Variants in DRAM1 observed in about 807,000 individuals in gnomAD.
DRAM1 encodes the protein DNA damage-regulated autophagy modulator protein 1.
Under a neutral mutation model 28.5 loss-of-function variants are expected in DRAM1, and 25 were observed. The observed-to-expected ratio is 0.88, with a 90% confidence interval of 0.64 to 1.23. DRAM1 has a LOEUF of 1.23. Ranked by LOEUF, DRAM1 falls within the 50% of genes most tolerant of loss-of-function variation. The pLI, the probability that DRAM1 is intolerant of heterozygous loss-of-function variation, is 0.00. For missense variants in DRAM1, 249 were observed against 299.2 expected, an observed-to-expected ratio of 0.83 and a Z score of 1.24; for synonymous variants, 113 against 114.2, an observed-to-expected ratio of 0.99 and a Z score of 0.07.
intron 4 of DRAM1, among the ~76,000 whole-genome samples, chr12:101,908,795 A>T (rs1261759828): frequency 6.6e-6 from 1 of 150,960 alleles, no homozygotes; most frequent in African/African-American, 2.4e-5. Context: ...GCACAGATGG[A>T]CCTAGGAGAA....
At chr12:101,904,534 C>T (rs562877394) in intron 3 of DRAM1, among the ~76,000 whole-genome samples, 202 of 148,850 alleles carry the variant, frequency 1.4e-3, no homozygotes, top group African/African-American at 4.7e-3. Context: ...CTCTGCCTCC[C>T]GAGTTCACGC....
At chr12:101,908,893 C>CAAAAAAAA (rs56843086) in intron 4 of DRAM1, among the ~76,000 whole-genome samples, 7 of 70,890 alleles carry the variant, frequency 9.9e-5, no homozygotes, top group Admixed American at 3.5e-4. Flanking sequence ...TCCCCACAAC[C>CAAAAAAAA]AAAAAAAAAA....
At chr12:101,891,674 A>G (rs1160061335) in intron 1 of DRAM1, among the ~76,000 whole-genome samples, 1 of 152,240 alleles carries the variant, frequency 6.6e-6, no homozygotes, top group Non-Finnish European at 1.5e-5. Context: ...TAACAGCCTC[A>G]ACAGCTTCTG....
At chr12:101,914,586 G>A (rs994849126) in intron 5 of DRAM1, among the ~76,000 whole-genome samples, 6 of 151,178 alleles carry the variant, frequency 4.0e-5, no homozygotes, top group African/African-American at 1.5e-4. Context: ...AGGCTCAAGC[G>A]ATTCTCCTGC....
At chr12:101,903,912 AACACACACACACATACAC>A (rs1469828465) in intron 3 of DRAM1, among the ~76,000 whole-genome samples, 1 of 121,526 alleles carries the variant, frequency 8.2e-6, no homozygotes, top group Non-Finnish European at 1.6e-5. Flanking sequence ...TGCCTCTGGA[AACACACACACACATACAC>A]ACACACACAC....
chr12:101,881,659 TTC>T (rs1394371362), intron 1 of DRAM1, among the ~76,000 whole-genome samples: 3 of 152,196 alleles, frequency 2.0e-5, no homozygotes, highest in Non-Finnish European at 4.4e-5. Flanking sequence ...GCAGCTATTT[TTC>T]ACTTACCTCT....
At chr12:101,898,606 A>G (rs2121089660) in intron 2 of DRAM1, among the ~76,000 whole-genome samples, 1 of 152,332 alleles carries the variant, frequency 6.6e-6, no homozygotes, top group South Asian at 2.1e-4. Flanking sequence ...TTCTGAAGGC[A>G]AGCTGATGAA....
In DRAM1 at chr12:101,909,955, G is replaced by T. The variant is rs78864000; in HGVS notation, c.520+1592G>T. ...GGAAAATCGGAACTATGTTATCGGC[G>T]GCAATTTTGTTAGTCTGGGTTGAGT... On this transcript the variant is annotated intron_variant, in intron 4 of 6. Coordinates refer to ENST00000258534, the MANE Select transcript of DRAM1 (RefSeq NM_018370.3). Among the ~76,000 whole-genome samples, 2,908 of 152,262 alleles carry T rather than the reference G, an allele frequency of 0.019. 223 individuals carry two copies. In the East Asian group the frequency reaches 0.23, roughly 12 times the overall value.
In DRAM1 at chr12:101,920,190, C is replaced by G. The variant is rs1481418227; in HGVS notation, c.661C>G (p.Gln221Glu). 2.5e-6 allele frequency: 4 copies of G among 1,608,544 alleles called. No individual in the cohort carries two copies. Among genetic ancestry groups the G allele is most frequent in the African/African-American group, 1.3e-5 (1 of 74,796 alleles). ...GFIFYFLTFI[Q>E]DFQSVTLRIS... ...TATTTTCTACTTCCTAACTTTCATC[C>G]AAGATTTCCAGGTAGGTGTTTATCA... is the stretch of plus-strand genomic sequence containing the variant. Residue 221 changes from glutamine to glutamate, a missense_variant, in exon 6 of 7, where the codon CAA becomes GAA. Physicochemically the swap from Gln to Glu is conservative, Grantham distance 29 (BLOSUM62 2). Around this residue, in one of 3 missense-constraint regions of DRAM1, gnomAD observed 15 missense variants for 39.9 expected, o/e 0.38. Transcript: ENST00000258534.
chr12:101,880,682 C>G (rs1872659906), intron 1 of DRAM1, among the ~76,000 whole-genome samples: 1 of 152,058 alleles, frequency 6.6e-6, no homozygotes, highest in African/African-American at 2.4e-5. Context: ...GCCAGGCTGT[C>G]AAAGGCAGGT....
intron 1 of DRAM1, among the ~76,000 whole-genome samples, chr12:101,893,884 C>T (rs1477193707): frequency 6.6e-6 from 1 of 150,958 alleles, no homozygotes; most frequent in African/African-American, 2.4e-5. Context: ...ATCTTAGTCC[C>T]AAATATTCTG....
At chr12:101,890,904 C>T (rs1272912454) in intron 1 of DRAM1, among the ~76,000 whole-genome samples, 1 of 152,066 alleles carries the variant, frequency 6.6e-6, no homozygotes, top group Admixed American at 6.6e-5. Context: ...GCGCCCGCCA[C>T]CACGCCCAGC....
chr12:101,904,423 AG>A (rs1178367106), intron 3 of DRAM1, among the ~76,000 whole-genome samples: 20,998 of 64,106 alleles, frequency 0.33, 9,518 homozygotes, highest in Middle Eastern at 0.53. Context: ...ATAGAGCTTT[AG>A]GGGTTTTTTT....
In DRAM1 at chr12:101,914,948, G is replaced by A. The variant is rs1033550726; in HGVS notation, c.579+716G>A. On this transcript the variant is annotated intron_variant, in intron 5 of 6. Coordinates refer to ENST00000258534, the MANE Select transcript of DRAM1 (RefSeq NM_018370.3). ...GCTGGGATTATAGGCGTGACCCACC[G>A]CACCCGTCCCTCTAATTTCTTCCTT... Among the ~76,000 whole-genome samples the A allele has an allele frequency of 5.1e-4, 76 of 148,606 alleles. 2 individuals are homozygous for A. Among genetic ancestry groups the A allele is most frequent in the East Asian group, 2.0e-3 (10 of 4,968 alleles).
intron 4 of DRAM1, among the ~76,000 whole-genome samples, chr12:101,913,129 G>A (rs1874105842): frequency 6.6e-6 from 1 of 152,072 alleles, no homozygotes; most frequent in Non-Finnish European, 1.5e-5. Flanking sequence ...GGTTATCACT[G>A]CCTTCATGCA....
In DRAM1 at chr12:101,908,258, C is replaced by T. The variant is rs376602463; in HGVS notation, c.415C>T (p.Leu139=). The change falls in exon 4 of 7, where the codon CTA becomes TTA. Residue 139 remains leucine, a synonymous_variant. Coordinates refer to ENST00000258534, the MANE Select transcript of DRAM1 (RefSeq NM_018370.3). ...AFVCGVVYTL[L]QSIISYKSCP... is the part of the protein sequence containing the mutation. ...TGTCTGTGGTGTCGTGTACACGCTC[C>T]TACAGTCCATCATCTCTTACAAATC... The T allele has an allele frequency of 1.4e-5, 23 of 1,614,170 alleles. No homozygotes were observed. The highest frequency in any genetic ancestry group is 4.4e-5 in the South Asian group (4 of 91,080).
At chr12:101,888,733 G>A (rs553668668) in intron 1 of DRAM1, among the ~76,000 whole-genome samples, 2 of 148,548 alleles carry the variant, frequency 1.3e-5, no homozygotes, top group African/African-American at 2.5e-5. Context: ...GGGCATTAGA[G>A]TATTGCTCAA....
At chr12:101,883,659 C>T (rs1211813749) in intron 1 of DRAM1, among the ~76,000 whole-genome samples, 1 of 150,006 alleles carries the variant, frequency 6.7e-6, no homozygotes, top group South Asian at 2.2e-4. Flanking sequence ...TGAGGCCGGG[C>T]GCAGTGGCTC....
intron 6 of DRAM1, 94 bp downstream of exon 6, chr12:101,920,295 T>TTA: frequency 5.0e-5 from 19 of 380,036 alleles, no homozygotes; most frequent in Non-Finnish European, 7.1e-5. Flanking sequence ...AAAGAGCACT[T>TTA]TCTTTTTTTT....
Sources: gnomAD v4.1 joint callset for allele counts (sites outside exome capture counted in the v4.1 genomes callset) on GRCh38, gnomAD v4.1.1 for gene constraint, gnomAD v4.1.1 regional missense constraint, MANE v1.5 for transcripts, NCBI Gene and HGNC (gene_info 2026-07-23, HGNC 2026-07-21) for gene names.